SMARCAD1: variants seen among roughly 807,000 people sequenced by gnomAD.
The protein encoded by SMARCAD1 is SNF2 related chromatin remodeling ATPase with DExD box 1.
A neutral mutation model predicts 127.1 loss-of-function variants in SMARCAD1; 25 were observed. That is an observed-to-expected ratio of 0.20 (90% CI 0.14 to 0.27). SMARCAD1 has a LOEUF of 0.27. Among genes scored for constraint, SMARCAD1 ranks in the 10% least tolerant of loss-of-function variants. SMARCAD1 has a pLI of 1.00. For missense variants in SMARCAD1, 807 were observed against 1,206.0 expected, an observed-to-expected ratio of 0.67 and a Z score of 4.90; for synonymous variants, 400 against 396.9, an observed-to-expected ratio of 1.01 and a Z score of -0.09.
intron 2 of SMARCAD1, chr4:94,212,925 AC>A (rs1742514032): frequency 1.0e-5 from 5 of 492,642 alleles, no homozygotes; most frequent in Non-Finnish European, 1.9e-5. Context: ...GAGGGCATAC[AC>A]TTAACCTCTG....
At chr4:94,243,581 T>C (rs1747941012) in intron 6 of SMARCAD1, among the ~76,000 whole-genome samples, 2 of 152,188 alleles carry the variant, frequency 1.3e-5, no homozygotes, top group African/African-American at 4.8e-5. Context: ...CAGTTCTGTT[T>C]TTAAAATGTG....
intron 8 of SMARCAD1, 46 bp from the exon 9 acceptor site, chr4:94,252,570 T>C (rs1201213600): frequency 1.4e-5 from 18 of 1,288,028 alleles, no homozygotes; most frequent in Non-Finnish European, 1.8e-5. Context: ...TATCTTTATA[T>C]TTATGTATTT....
intron 16 of SMARCAD1, among the ~76,000 whole-genome samples, chr4:94,277,806 A>G (rs1030261111): frequency 2.0e-5 from 3 of 152,188 alleles, no homozygotes; most frequent in Admixed American, 6.5e-5. Context: ...TGCCTTTTAA[A>G]CATTTACTAA....
At chr4:94,209,419 T>G (rs72886731) in intron 2 of SMARCAD1, among the ~76,000 whole-genome samples, 10,303 of 150,078 alleles carry the variant, frequency 0.069, 1,174 homozygotes, top group African/African-American at 0.24. Context: ...CATAAACTAA[T>G]TAGTTAGTTT....
chr4:94,236,086 C>A (rs193002251), intron 4 of SMARCAD1, among the ~76,000 whole-genome samples: 10 of 152,116 alleles, frequency 6.6e-5, no homozygotes, highest in East Asian at 1.9e-4. Flanking sequence ...TGAAATAGTT[C>A]TAAGCTTGCT....
intron 5 of SMARCAD1, among the ~76,000 whole-genome samples, chr4:94,237,801 A>G (rs1177212745): frequency 6.6e-6 from 1 of 152,134 alleles, no homozygotes; most frequent in Non-Finnish European, 1.5e-5. Flanking sequence ...CGTTTTCATT[A>G]TTTCATTATT....
intron 8 of SMARCAD1, 94 bp from the exon 9 acceptor site, chr4:94,252,522 T>C (rs1290031213): frequency 5.0e-6 from 4 of 807,698 alleles, no homozygotes; most frequent in Non-Finnish European, 7.5e-6. Context: ...CTGTATTCAA[T>C]AGGAATAGGT....
intron 15 of SMARCAD1, among the ~76,000 whole-genome samples, chr4:94,276,678 T>C (rs1338816883): frequency 6.6e-6 from 1 of 152,196 alleles, no homozygotes; most frequent in African/African-American, 2.4e-5. Context: ...TATTCTTTGA[T>C]TTTGTTTTTT....
intron 2 of SMARCAD1, among the ~76,000 whole-genome samples, chr4:94,212,726 A>G (rs62320364): frequency 1.1e-3 from 175 of 152,274 alleles, no homozygotes; most frequent in East Asian, 4.8e-3. Context: ...ACTTCAGGCT[A>G]TCTGCCTGCC....
At chr4:94,208,180 C>T (rs542490357) in intron 1 of SMARCAD1, 110 bp downstream of exon 1, 1 of 695,236 alleles carries the variant, frequency 1.4e-6, no homozygotes, top group Non-Finnish European at 2.6e-6. Flanking sequence ...AAGATACCCC[C>T]GTCCACCTTC....
chr4:94,284,593 T>G (rs1754662888), intron 22 of SMARCAD1, among the ~76,000 whole-genome samples: 1 of 137,090 alleles, frequency 7.3e-6, no homozygotes. Context: ...TTTTTTTTCG[T>G]TTTTTTTTTT....
intron 6 of SMARCAD1, 77 bp from the exon 7 acceptor site, chr4:94,249,577 A>G (rs757543335): frequency 1.2e-6 from 1 of 808,844 alleles, no homozygotes; most frequent in Non-Finnish European, 2.2e-6. Flanking sequence ...ATCAAGTCAA[A>G]ATACAATGAT....
rs1353265274 is a variant in SMARCAD1 at position 94,290,598 on chromosome 4, G to C, written c.*1064G>C. 1.3e-5 allele frequency: 6 copies of C among 454,362 alleles called. No homozygotes were observed. Among genetic ancestry groups the C allele is most frequent in the Non-Finnish European group, 2.2e-5 (5 of 226,750 alleles). 28.1% of individuals were successfully genotyped at this position (454,362 alleles called of 1,614,324 possible). A position where few individuals can be genotyped will look rare whatever the true frequency, so the allele number is the denominator to read the frequency against. On this transcript the variant is annotated 3_prime_UTR_variant, in exon 24 of 24. Transcript: ENST00000354268. ...CAGTACAGGACCGCCTGAAGAGAGAGCCATTGTTCAATTCCAATTCAGTGT... is the reference window on the plus strand; with the variant it reads ...CAGTACAGGACCGCCTGAAGAGAGACCCATTGTTCAATTCCAATTCAGTGT...
At chr4:94,253,927 A>G (rs1749672371) in intron 9 of SMARCAD1, among the ~76,000 whole-genome samples, 1 of 152,168 alleles carries the variant, frequency 6.6e-6, no homozygotes. Context: ...TTGATGCTTT[A>G]TAAAATTTTT....
chr4:94,230,175 C>G (rs1310022791), intron 3 of SMARCAD1, among the ~76,000 whole-genome samples: 1 of 151,844 alleles, frequency 6.6e-6, no homozygotes. Flanking sequence ...TTCCAAAAAT[C>G]AAAACTCTAC....
At chr4:94,250,623 C>A in intron 7 of SMARCAD1, 129 bp from the exon 8 acceptor site, 1 of 590,126 alleles carries the variant, frequency 1.7e-6, no homozygotes, top group South Asian at 2.7e-5. Flanking sequence ...AGTGTAAAAA[C>A]AAGTGCAAAA....
Position 94,280,621 on chromosome 4 carries a change from C to A in SMARCAD1, c.2448C>A (p.Asp816Glu), listed in dbSNP as rs563304673. The A allele has an allele frequency of 9.3e-6, 15 of 1,613,598 alleles. No homozygotes were observed. In the African/African-American group the frequency reaches 2.0e-4, roughly 22 times the overall value. ...KEPTHCEANP[D>E]LIFEDMEVMT... The stretch of plus-strand genomic sequence containing the variant: ...CTACACATTGTGAGGCTAACCCTGA[C>A]CTGATCTTTGAAGATATGGAAGTTA... Residue 816 changes from aspartate to glutamate, a missense_variant, in exon 20 of 24, where the codon GAC becomes GAA. Physicochemically the swap from Asp to Glu is conservative, Grantham distance 45. Coordinates refer to ENST00000354268, the MANE Select transcript of SMARCAD1 (RefSeq NM_020159.5).
At chr4:94,229,893 C>T (rs779045898) in intron 3 of SMARCAD1, among the ~76,000 whole-genome samples, 1 of 150,904 alleles carries the variant, frequency 6.6e-6, no homozygotes, top group Non-Finnish European at 1.5e-5. Flanking sequence ...CTGTTTTCTT[C>T]TGACAGTGAG....
intron 9 of SMARCAD1, among the ~76,000 whole-genome samples, chr4:94,255,528 T>C (rs1749936543): frequency 6.6e-6 from 1 of 151,924 alleles, no homozygotes; most frequent in African/African-American, 2.4e-5. Context: ...GTTTTCAAGG[T>C]AGTAGACATA....
Sources: allele counts gnomAD v4.1 joint callset (sites outside exome capture counted in the v4.1 genomes callset), GRCh38; gene constraint gnomAD v4.1.1; transcripts MANE v1.5; gene names NCBI Gene and HGNC (gene_info 2026-07-23, HGNC 2026-07-21).